The following USP7 variants were observed in gnomAD, a reference collection of about 807,000 sequenced individuals.
The protein encoded by USP7 is ubiquitin specific peptidase 7.
A neutral mutation model predicts 162.9 loss-of-function variants in USP7; 9 were observed. The observed-to-expected ratio is 0.06, with a 90% confidence interval of 0.03 to 0.10. The LOEUF (loss-of-function observed/expected upper bound fraction) is 0.10. USP7 is among the 10% of genes least tolerant of loss of function. The pLI, the probability that USP7 is intolerant of heterozygous loss-of-function variation, is 1.00. For synonymous variants in USP7, 562 were observed against 475.9 expected, an observed-to-expected ratio of 1.18 and a Z score of -2.35; for missense variants, 715 against 1,373.7, an observed-to-expected ratio of 0.52 and a Z score of 7.58.
chr16:8,904,043 G>A (rs896541932), intron 15 of USP7, among the ~76,000 whole-genome samples: 9 of 152,114 alleles, frequency 5.9e-5, no homozygotes, highest in African/African-American at 1.7e-4. Context: ...TCACTTCTCT[G>A]TCTGGTGGCC....
rs749891129 is a variant in USP7 at position 8,921,158 on chromosome 16, C to T, written c.521G>A (p.Ser174Asn). Reference sequence around the variant, plus strand: ...CAGACTAAATACACTGTTACTTACACTCCAGGCCATAAAATTGGAAAATCC... The same window carrying T: ...CAGACTAAATACACTGTTACTTACATTCCAGGCCATAAAATTGGAAAATCC... ...DWGFSNFMAWSEVTDPEKGFI... is the reference protein window; with the variant it reads ...DWGFSNFMAWNEVTDPEKGFI... The change falls in exon 4 of 31, where the codon AGT (serine) becomes AAT (asparagine). Residue 174 changes from serine to asparagine, a missense_variant and splice_region_variant. Ser to Asn is a conservative substitution (Grantham distance 46). Transcript: ENST00000344836. 9 of 1,613,724 alleles carry T rather than the reference C, an allele frequency of 5.6e-6. No individual in the cohort carries two copies. The South Asian group carries it at 8.8e-5, about 16-fold the overall frequency.
intron 1 of USP7, among the ~76,000 whole-genome samples, chr16:8,950,657 A>G (rs1899507273): frequency 6.6e-6 from 1 of 152,198 alleles, no homozygotes; most frequent in Non-Finnish European, 1.5e-5. Context: ...CGAACATGGC[A>G]CTGCTAATTG....
chr16:8,948,480 T>C lies in USP7; in HGVS notation c.79+14727A>G, dbSNP rs150596869. The stretch of plus-strand genomic sequence containing the variant: ...GATTACAGGTATCAGCTGCCACACC[T>C]GGCCCCCAGTTAACTCAACTTAGTA... On this transcript the variant is annotated intron_variant, in intron 1 of 30. Transcript: ENST00000344836. 1.6e-4 allele frequency among the ~76,000 whole-genome samples: 24 copies of C among 152,336 alleles called. No individual in the cohort carries two copies. In the East Asian group the frequency reaches 4.6e-3, roughly 29 times the overall value.
chr16:8,942,010 G>T (rs920206141), intron 1 of USP7, among the ~76,000 whole-genome samples: 1 of 152,210 alleles, frequency 6.6e-6, no homozygotes, highest in Non-Finnish European at 1.5e-5. Flanking sequence ...AGCACAGAGT[G>T]GCAAATTCTG....
chr16:8,963,034 G>T, intron 1 of USP7, 173 bp downstream of exon 1: 1 of 443,972 alleles, frequency 2.3e-6, no homozygotes, highest in Non-Finnish European at 3.2e-6. Context: ...CTCGCCCGCG[G>T]ACCCGGCATG....
rs752021202 is a variant in USP7 at position 8,895,656 on chromosome 16, T to A, written c.2905A>T (p.Thr969Ser). Residue 969 changes from threonine (T) to serine (S), a missense_variant, in exon 27 of 31, where the codon ACG (threonine) becomes TCG (serine). Coordinates refer to ENST00000344836, the MANE Select transcript of USP7 (RefSeq NM_003470.3). ...LECLSPATSR[T>S]FRIEEIPLDQ... Reference sequence around the variant, plus strand: ...GGGACAGATACCTCTATTCGAAACGTCCGGCTCGTTGCAGGAGATAAACAT... The same window carrying A: ...GGGACAGATACCTCTATTCGAAACGACCGGCTCGTTGCAGGAGATAAACAT... The A allele has an allele frequency of 4.2e-5, 67 of 1,613,102 alleles. No homozygotes were observed. Among genetic ancestry groups the A allele is most frequent in the Non-Finnish European group, 5.4e-5 (64 of 1,179,726 alleles).
At chr16:8,937,888 T>C (rs1898837519) in intron 1 of USP7, among the ~76,000 whole-genome samples, 1 of 152,134 alleles carries the variant, frequency 6.6e-6, no homozygotes, top group African/African-American at 2.4e-5. Context: ...AGCTTGCATC[T>C]ATGTGGGAGC....
chr16:8,915,554 A>C (rs779469319), intron 8 of USP7, 29 bp from the exon 9 acceptor site: 4 of 1,603,588 alleles, frequency 2.5e-6, no homozygotes, highest in Non-Finnish European at 3.4e-6. Flanking sequence ...GCTTTAAAAA[A>C]ACTTTTTTGT....
At chr16:8,920,262 G>T in intron 5 of USP7, 97 bp downstream of exon 5, 1 of 1,060,492 alleles carries the variant, frequency 9.4e-7, no homozygotes, top group Admixed American at 2.2e-5. Flanking sequence ...GAGGCTTACT[G>T]ATTAAATATG....
In USP7 at chr16:8,950,460, A is replaced by C. The variant is rs578026726; in HGVS notation, c.79+12747T>G. Reference sequence around the variant, plus strand: ...AAAGGAAATACTGATCATTAAGAGTAAATGCAGATGTGTGGTGCTAATTCT... The same window carrying C: ...AAAGGAAATACTGATCATTAAGAGTCAATGCAGATGTGTGGTGCTAATTCT... On this transcript the variant is annotated intron_variant, in intron 1 of 30. Transcript: ENST00000344836. Among the ~76,000 whole-genome samples, 5 of 152,382 alleles carry C rather than the reference A, an allele frequency of 3.3e-5. No homozygotes were observed. In the South Asian group the frequency reaches 1.0e-3, roughly 32 times the overall value.
chr16:8,921,663 C>G (rs907841045), intron 3 of USP7, among the ~76,000 whole-genome samples: 6 of 152,242 alleles, frequency 3.9e-5, no homozygotes, highest in Middle Eastern at 6.8e-3. Flanking sequence ...CTCTCGAGCT[C>G]TCCTAGGATG....
At chr16:8,899,472 A>C in intron 22 of USP7, 132 bp downstream of exon 22, 1 of 1,146,692 alleles carries the variant, frequency 8.7e-7, no homozygotes, top group Non-Finnish European at 1.2e-6. Context: ...TGAATCCATC[A>C]GTGGGAGATT....
chr16:8,917,343 G>A (rs1897426715), intron 6 of USP7, among the ~76,000 whole-genome samples, 187 bp from the exon 7 acceptor site: 1 of 152,170 alleles, frequency 6.6e-6, no homozygotes, highest in Non-Finnish European at 1.5e-5. Context: ...CGTCTTTAGG[G>A]ATACTGGAAA....
chr16:8,910,830 T>TTAAAGAGAGAGAGAGAAAAGTCAAG lies in USP7; in HGVS notation c.1079-28_1079-4dup. On this transcript the variant is annotated splice_polypyrimidine_tract_variant and splice_region_variant and intron_variant, in intron 10 of 30. Transcript: ENST00000344836. ...ATAATCCACAAATGATTCAAATACT[T>TTAAAGAGAGAGAGAGAAAAGTCAAG]TAAAGAGAGAGAGAGAAAAGTCAAG... The TTAAAGAGAGAGAGAGAAAAGTCAAG allele has an allele frequency of 6.2e-7, 1 of 1,612,888 alleles. No homozygotes were observed. The highest frequency in any genetic ancestry group is 8.5e-7 in the Non-Finnish European group (1 of 1,179,402).
intron 1 of USP7, among the ~76,000 whole-genome samples, chr16:8,932,108 A>G (rs1008733384): frequency 1.3e-5 from 2 of 152,174 alleles, no homozygotes; most frequent in African/African-American, 4.8e-5. Flanking sequence ...ATTACATCAT[A>G]AACCTCTCCA....
rs1567203414 is a variant in USP7, at chr16:8,894,538, G to GGA, written c.3202+11_3202+12insTC. On this transcript the variant is annotated intron_variant, in intron 30 of 30. Coordinates refer to ENST00000344836, the MANE Select transcript of USP7 (RefSeq NM_003470.3). Reference sequence around the variant, plus strand: ...AACCCACACCAGCCCCCGGGGGGGGGAGAACCCTTACCGGGCTGTGGCTCA... The same window carrying GGA: ...AACCCACACCAGCCCCCGGGGGGGGGGAAGAACCCTTACCGGGCTGTGGCTCA... The GGA allele has an allele frequency of 1.2e-6, 2 of 1,607,344 alleles. No homozygotes were observed. Among genetic ancestry groups the GGA allele is most frequent in the East Asian group, 2.2e-5 (1 of 44,788 alleles).
intron 21 of USP7, chr16:8,900,183 T>TC: frequency 3.0e-6 from 1 of 327,934 alleles, no homozygotes; most frequent in Non-Finnish European, 5.6e-6. Context: ...GACTGGCTGG[T>TC]TTACATGAAG....
intron 7 of USP7, among the ~76,000 whole-genome samples, chr16:8,916,822 C>T (rs1268874671): frequency 6.6e-6 from 1 of 152,036 alleles, no homozygotes; most frequent in African/African-American, 2.4e-5. Flanking sequence ...CTTTCTCAAG[C>T]AAAATTCTAC....
chr16:8,906,320 T>G, intron 13 of USP7, 106 bp downstream of exon 13: 2 of 1,338,480 alleles, frequency 1.5e-6, no homozygotes, highest in Non-Finnish European at 2.0e-6. Context: ...CATAGATCAG[T>G]TAGGGGTCCC....
Sources: gnomAD v4.1 joint callset for allele counts (sites outside exome capture counted in the v4.1 genomes callset) on GRCh38, gnomAD v4.1.1 for gene constraint, MANE v1.5 for transcripts, NCBI Gene and HGNC (gene_info 2026-07-23, HGNC 2026-07-21) for gene names.